Variants in KLF12 observed in about 807,000 individuals in gnomAD.
The protein encoded by KLF12 is Krueppel-like factor 12.
KLF12 carries 9 observed loss-of-function variants against 37.8 expected under a neutral mutation model. The ratio of observed to expected loss-of-function variants is 0.24; its 90% CI spans 0.14 to 0.42. The LOEUF (loss-of-function observed/expected upper bound fraction) is 0.42, where lower values mean the gene tolerates loss of function less well. Among genes scored for constraint, KLF12 ranks in the 10% least tolerant of loss-of-function variants. The probability of loss-of-function intolerance (pLI) is 1.00; values close to 1 mark genes in which losing one functional copy is unlikely to be tolerated. For synonymous variants in KLF12, 208 were observed against 202.1 expected (o/e 1.03, Z -0.25); for missense variants, 411 against 516.0 (o/e 0.80, Z 1.97).
intron 1 of KLF12, among the ~76,000 whole-genome samples, chr13:74,006,805 T>G (rs1892420550): frequency 6.6e-6 from 1 of 152,224 alleles, no homozygotes; most frequent in Non-Finnish European, 1.5e-5. Flanking sequence ...GATTGACTTT[T>G]GCAATTTTCC....
chr13:73,844,928 G>T lies in KLF12; in HGVS notation c.670+899C>A, dbSNP rs1884934354. ...AAAGGGAATAAGTCAATGATTATGGGCATTCTGCATTTCTATTGAGGGGTG... is the reference window on the plus strand; with the variant it reads ...AAAGGGAATAAGTCAATGATTATGGTCATTCTGCATTTCTATTGAGGGGTG... On this transcript the variant is annotated intron_variant, in intron 4 of 7. Transcript: ENST00000377669. 2.6e-5 allele frequency: 4 copies of T among 152,116 alleles called. No individual in the cohort carries two copies. The South Asian group carries it at 8.3e-4, about 32-fold the overall frequency. 9.4% of individuals were successfully genotyped at this position (152,116 alleles called of 1,614,324 possible). A position where few individuals can be genotyped will look rare whatever the true frequency, so the allele number is the denominator to read the frequency against.
intron 2 of KLF12, among the ~76,000 whole-genome samples, chr13:73,970,519 G>A (rs377420873): frequency 1.3e-5 from 2 of 152,224 alleles, no homozygotes; most frequent in South Asian, 2.1e-4. Context: ...GAGCTTCCTC[G>A]AGCCATTTTG....
chr13:74,261,127 T>C, the KLF12 span, among the ~76,000 whole-genome samples: 3 of 152,144 alleles, frequency 2.0e-5, no homozygotes, highest in Non-Finnish European at 4.4e-5. Flanking sequence ...CCGAAAAGTA[T>C]TGAAATTTTA....
the KLF12 span, among the ~76,000 whole-genome samples, chr13:74,169,986 A>ATT: frequency 1.3e-5 from 2 of 151,414 alleles, no homozygotes; most frequent in South Asian, 2.1e-4. Context: ...AAATATTGCC[A>ATT]TTTTTTTTTC....
intron 3 of KLF12, among the ~76,000 whole-genome samples, chr13:73,928,119 A>G (rs922539065): frequency 2.0e-5 from 3 of 151,920 alleles, no homozygotes; most frequent in Non-Finnish European, 1.5e-5. Flanking sequence ...GCCTCCCACA[A>G]TGCTGGGATT....
the KLF12 span, among the ~76,000 whole-genome samples, chr13:74,223,175 G>A: frequency 6.6e-6 from 1 of 152,204 alleles, no homozygotes; most frequent in Non-Finnish European, 1.5e-5. Context: ...CGGGGAGGAA[G>A]GGTAACTTAT....
intron 5 of KLF12, among the ~76,000 whole-genome samples, chr13:73,809,554 CTT>C (rs1347778110): frequency 9.6e-6 from 1 of 104,610 alleles, no homozygotes; most frequent in Admixed American, 9.4e-5. Flanking sequence ...GATTTATTGA[CTT>C]CTCTCACCAC....
chr13:73,946,912 T>C (rs1464435446), intron 2 of KLF12, among the ~76,000 whole-genome samples: 2 of 152,230 alleles, frequency 1.3e-5, no homozygotes, highest in Non-Finnish European at 2.9e-5. Flanking sequence ...ACATGGTAAT[T>C]ACACAGCATT....
chr13:73,934,665 T>G (rs1018214259), intron 3 of KLF12, among the ~76,000 whole-genome samples: 1 of 152,152 alleles, frequency 6.6e-6, no homozygotes, highest in Non-Finnish European at 1.5e-5. Context: ...CTTTATTACT[T>G]GTTTCTAGCA....
At chr13:73,824,047 G>T (rs1003711381) in intron 4 of KLF12, among the ~76,000 whole-genome samples, 5 of 151,736 alleles carry the variant, frequency 3.3e-5, no homozygotes, top group African/African-American at 1.2e-4. Context: ...CTGGCTTCAG[G>T]GATGGACACA....
chr13:74,022,377 G>A (rs1892862733), intron 1 of KLF12, among the ~76,000 whole-genome samples: 1 of 152,004 alleles, frequency 6.6e-6, no homozygotes. Context: ...CTGTACTTAT[G>A]TCTATACACA....
intron 3 of KLF12, among the ~76,000 whole-genome samples, chr13:73,900,662 A>G (rs1887996656): frequency 6.6e-6 from 1 of 152,162 alleles, no homozygotes; most frequent in South Asian, 2.1e-4. Flanking sequence ...CATAGTAAAA[A>G]AATTGTTTCT....
intron 1 of KLF12, among the ~76,000 whole-genome samples, chr13:74,076,175 T>C (rs1271458238): frequency 2.0e-5 from 3 of 152,216 alleles, no homozygotes; most frequent in East Asian, 1.9e-4. Flanking sequence ...AAAGCTATTA[T>C]ATTTTTTAAA....
At chr13:73,711,468 T>C (rs1187696729) in intron 7 of KLF12, among the ~76,000 whole-genome samples, 1 of 152,244 alleles carries the variant, frequency 6.6e-6, no homozygotes, top group South Asian at 2.1e-4. Context: ...AAGGCTCATA[T>C]ACTATTCTGA....
At chr13:73,854,865 G>T (rs1056496633) in intron 3 of KLF12, among the ~76,000 whole-genome samples, 13 of 152,280 alleles carry the variant, frequency 8.5e-5, no homozygotes, top group Middle Eastern at 3.4e-3. Context: ...ATCCGCAGAT[G>T]TGGAATCCAG....
chr13:73,900,337 C>T (rs926714993), intron 3 of KLF12, among the ~76,000 whole-genome samples: 6 of 152,132 alleles, frequency 3.9e-5, no homozygotes, highest in African/African-American at 1.4e-4. Context: ...ACTCAATATA[C>T]AAAATCATTT....
At chr13:73,986,774 C>T (rs1891837707) in intron 2 of KLF12, among the ~76,000 whole-genome samples, 1 of 152,060 alleles carries the variant, frequency 6.6e-6, no homozygotes, top group Non-Finnish European at 1.5e-5. Context: ...CCCAAAGCTG[C>T]TGGAGTTGAA....
Position 73,964,560 on chromosome 13 carries a change from G to A in KLF12, c.34-20490C>T, listed in dbSNP as rs568953893. Reference sequence around the variant, plus strand: ...CAAGGCGGGTGGATCACGAGGTCAGGAGATCAAGACCATCCTGGCTAACAT... The same window carrying A: ...CAAGGCGGGTGGATCACGAGGTCAGAAGATCAAGACCATCCTGGCTAACAT... On this transcript the variant is annotated intron_variant, in intron 2 of 7. Transcript: ENST00000377669. Among the ~76,000 whole-genome samples the A allele has an allele frequency of 5.7e-4, 84 of 148,620 alleles. 2 individuals are homozygous for A. In the South Asian group the frequency reaches 0.017, roughly 29 times the overall value.
the KLF12 span, among the ~76,000 whole-genome samples, chr13:74,150,838 CAT>C: frequency 6.6e-6 from 1 of 152,154 alleles, no homozygotes; most frequent in Non-Finnish European, 1.5e-5. Flanking sequence ...AGGAAAGACT[CAT>C]GTCCTGGGGT....
Sources: gnomAD v4.1 joint callset for allele counts (sites outside exome capture counted in the v4.1 genomes callset) on GRCh38, gnomAD v4.1.1 for gene constraint, MANE v1.5 for transcripts, NCBI Gene and HGNC (gene_info 2026-07-23, HGNC 2026-07-21) for gene names.